The following PRKCQ variants were observed in gnomAD, a reference collection of about 807,000 sequenced individuals.
PRKCQ encodes protein kinase C theta, also known as protein kinase C theta type.
A neutral mutation model predicts 91.2 loss-of-function variants in PRKCQ; 41 were observed. The ratio of observed to expected loss-of-function variants is 0.45; its 90% confidence interval spans 0.35 to 0.58. The LOEUF (loss-of-function observed/expected upper bound fraction) is 0.58, where lower values mean the gene tolerates loss of function less well. Among genes scored for constraint, PRKCQ ranks in the 20% least tolerant of loss-of-function variants. PRKCQ has a pLI of 0.00. For synonymous variants in PRKCQ, 307 were observed against 316.9 expected, an observed-to-expected ratio of 0.97 and a Z score of 0.33; for missense variants, 673 against 896.5, an observed-to-expected ratio of 0.75 and a Z score of 3.18.
chr10:6,553,439 G>A (rs1264098504), intron 1 of PRKCQ, among the ~76,000 whole-genome samples: 1 of 146,238 alleles, frequency 6.8e-6, no homozygotes, highest in East Asian at 2.0e-4. Flanking sequence ...GCAGAGAGCC[G>A]AGATAGTGCC....
At chr10:6,498,611 A>G (rs1195624607) in intron 4 of PRKCQ, 53 bp from the exon 5 acceptor site, 27 of 1,573,928 alleles carry the variant, frequency 1.7e-5, no homozygotes, top group Non-Finnish European at 2.3e-5. Context: ...GACGACTCCT[A>G]TTCTAAGCTG....
intron 1 of PRKCQ, among the ~76,000 whole-genome samples, chr10:6,521,762 CAG>C (rs1839010393): frequency 6.6e-6 from 1 of 152,140 alleles, no homozygotes; most frequent in Non-Finnish European, 1.5e-5. Flanking sequence ...CTATCTCTTG[CAG>C]AGCACTTACT....
the PRKCQ span, among the ~76,000 whole-genome samples, chr10:6,400,023 T>C: frequency 2.0e-5 from 3 of 152,192 alleles, no homozygotes; most frequent in Non-Finnish European, 2.9e-5. Flanking sequence ...AATTTGAACA[T>C]GCTGCACGGT....
intron 9 of PRKCQ, among the ~76,000 whole-genome samples, chr10:6,485,775 T>C (rs1836875059): frequency 6.6e-6 from 1 of 152,238 alleles, no homozygotes; most frequent in African/African-American, 2.4e-5. Flanking sequence ...TCAATAACTT[T>C]AATGAATTTA....
At chr10:6,467,926 G>C (rs1403656676) in intron 12 of PRKCQ, among the ~76,000 whole-genome samples, 1 of 152,192 alleles carries the variant, frequency 6.6e-6, no homozygotes, top group Non-Finnish European at 1.5e-5. Flanking sequence ...TGGTATTTAA[G>C]TTGGGTGCAG....
At chr10:6,554,746 A>C (rs1840341633) in intron 1 of PRKCQ, among the ~76,000 whole-genome samples, 2 of 152,230 alleles carry the variant, frequency 1.3e-5, no homozygotes, top group African/African-American at 2.4e-5. Context: ...TAAGTCTACA[A>C]AGAATCTAAA....
chr10:6,511,807 A>G (rs1279426756), intron 2 of PRKCQ, among the ~76,000 whole-genome samples: 6 of 152,166 alleles, frequency 3.9e-5, no homozygotes, highest in Non-Finnish European at 8.8e-5. Context: ...GAAGAAACTC[A>G]GATAAAACAA....
chr10:6,527,816 T>C (rs930285688), intron 1 of PRKCQ, among the ~76,000 whole-genome samples: 23 of 152,110 alleles, frequency 1.5e-4, no homozygotes, highest in African/African-American at 5.3e-4. Context: ...AGGATCCACA[T>C]TCCCCTACAA....
intron 1 of PRKCQ, among the ~76,000 whole-genome samples, chr10:6,578,561 G>A (rs189440662): frequency 6.6e-6 from 1 of 152,320 alleles, no homozygotes; most frequent in Admixed American, 6.5e-5. Flanking sequence ...TAACTTGCAG[G>A]AGCTGTGCAG....
the PRKCQ span, among the ~76,000 whole-genome samples, chr10:6,395,054 G>GTTTTTTTTTTT: frequency 5.2e-4 from 68 of 129,946 alleles, 1 homozygote; most frequent in African/African-American, 1.7e-3. Flanking sequence ...GGAAGCTGGA[G>GTTTTTTTTTTT]TCTTTTTTTT....
chr10:6,551,349 T>A (rs904454804), intron 1 of PRKCQ, among the ~76,000 whole-genome samples: 2 of 152,178 alleles, frequency 1.3e-5, no homozygotes, highest in Non-Finnish European at 2.9e-5. Context: ...CATTTTTGTG[T>A]CTGCATAGTA....
At chr10:6,421,407 C>T in the PRKCQ span, among the ~76,000 whole-genome samples, 1 of 152,122 alleles carries the variant, frequency 6.6e-6, no homozygotes. The surrounding 1 kb of genome is among the most constrained non-coding windows in gnomAD (Gnocchi z 4.1). Context: ...ATCACCTGAG[C>T]CCAGGACGTG....
chr10:6,456,596 G>T, intron 15 of PRKCQ, 78 bp downstream of exon 15: 1 of 1,541,978 alleles, frequency 6.5e-7, no homozygotes, highest in Non-Finnish European at 8.8e-7. Context: ...AAAACCTTCT[G>T]ATTTTCAGGG....
At chr10:6,492,962 A>G (rs778747626) in intron 7 of PRKCQ, among the ~76,000 whole-genome samples, 1 of 152,146 alleles carries the variant, frequency 6.6e-6, no homozygotes, top group Non-Finnish European at 1.5e-5. Flanking sequence ...AATCGATTAA[A>G]AATTGCTCAG....
chr10:6,531,896 G>T (rs1839410332), intron 1 of PRKCQ, among the ~76,000 whole-genome samples: 1 of 151,980 alleles, frequency 6.6e-6, no homozygotes, highest in African/African-American at 2.4e-5. Flanking sequence ...GAGAACTGAG[G>T]CTCAGAAAAT....
At chr10:6,451,864 C>T (rs934964126) in intron 15 of PRKCQ, among the ~76,000 whole-genome samples, 1 of 152,136 alleles carries the variant, frequency 6.6e-6, no homozygotes, top group Non-Finnish European at 1.5e-5. Flanking sequence ...AGGCCTTTGA[C>T]AAAATTCAAC....
the PRKCQ span, among the ~76,000 whole-genome samples, chr10:6,421,637 T>C: frequency 2.0e-5 from 3 of 152,246 alleles, no homozygotes; most frequent in Non-Finnish European, 4.4e-5. This position sits in a 1 kb window ranked among gnomAD's most constrained non-coding sequence, Gnocchi z 4.1. Context: ...TCAGAGTTTG[T>C]GGTGCATTTT....
intron 1 of PRKCQ, among the ~76,000 whole-genome samples, chr10:6,562,172 G>A (rs1840658008): frequency 6.6e-6 from 1 of 152,176 alleles, no homozygotes. Context: ...AGCCCACTCA[G>A]GCTTGTCTAT....
chr10:6,531,544 G>A (rs140758572), intron 1 of PRKCQ, among the ~76,000 whole-genome samples: 65 of 151,368 alleles, frequency 4.3e-4, no homozygotes, highest in Middle Eastern at 3.4e-3. Context: ...TGGCAATGCC[G>A]AGAATATCTC....
Sources: allele counts gnomAD v4.1 joint callset (sites outside exome capture counted in the v4.1 genomes callset), GRCh38; gene constraint gnomAD v4.1.1; non-coding constraint Gnocchi (gnomAD v3.1); transcripts MANE v1.5; gene names NCBI Gene and HGNC (gene_info 2026-07-23, HGNC 2026-07-21).